The following C2CD3 variants were observed in gnomAD, a reference collection of about 807,000 sequenced individuals.
C2CD3 encodes C2 domain-containing protein 3.
C2CD3 carries 148 observed loss-of-function variants against 234.0 expected under a neutral mutation model. The ratio of observed to expected loss-of-function variants is 0.63; its 90% CI spans 0.55 to 0.72. C2CD3 has a LOEUF of 0.72. C2CD3 is among the 30% of genes least tolerant of loss of function. The pLI, the probability that C2CD3 is intolerant of heterozygous loss-of-function variation, is 0.00. For synonymous variants in C2CD3, 1,000 were observed against 1,035.4 expected, an observed-to-expected ratio of 0.97 and a Z score of 0.66; for missense variants, 2,577 against 2,811.5, an observed-to-expected ratio of 0.92 and a Z score of 1.89.
chr11:74,023,220 C>T (rs1165180404), intron 32 of C2CD3, among the ~76,000 whole-genome samples: 2 of 152,220 alleles, frequency 1.3e-5, no homozygotes, highest in African/African-American at 4.8e-5. Context: ...GCAATCAATC[C>T]AGCAATTACG....
At chr11:74,019,189 A>T (rs1951989646) in intron 32 of C2CD3, among the ~76,000 whole-genome samples, 1 of 152,200 alleles carries the variant, frequency 6.6e-6, no homozygotes, top group South Asian at 2.1e-4. Flanking sequence ...CTCTTACAAG[A>T]AGAGCTCCTG....
Position 74,095,256 on chromosome 11 carries a change from CA to C in C2CD3, c.3131del (p.Val1044GlyfsTer2). ...YFPVQHSQSS[V>X]LKGPEFLENG... ...TTTCAAGGAACTCAGGTCCTTTCAG[CA>C]CACTGGATTGAGAGTGTTGAACTGG... On this transcript the variant is annotated frameshift_variant, in exon 17 of 33. Coordinates refer to ENST00000334126, the MANE Select transcript of C2CD3 (RefSeq NM_001286577.2). LOFTEE classifies it high-confidence loss of function. 1 of 1,613,082 alleles carries C rather than the reference CA, an allele frequency of 6.2e-7. No individual in the cohort carries two copies. The highest frequency in any genetic ancestry group is 8.5e-7 in the Non-Finnish European group (1 of 1,179,438).
chr11:74,031,151 G>C (rs970774970), intron 31 of C2CD3, among the ~76,000 whole-genome samples: 1 of 152,164 alleles, frequency 6.6e-6, no homozygotes, highest in East Asian at 1.9e-4. Context: ...CACTATTCAT[G>C]TACCAGGTAT....
Position 74,133,416 on chromosome 11 carries a change from G to C in C2CD3, c.1088+9C>G. The C allele has an allele frequency of 1.2e-6, 2 of 1,612,402 alleles. No individual in the cohort carries two copies. The highest frequency in any genetic ancestry group is 1.7e-6 in the Non-Finnish European group (2 of 1,178,586). Reference sequence around the variant, plus strand: ...GAACTGTTAAGGTTCTGTCTATCCTGTAACTTACTGTGTTGATGCTCTAAG... The same window carrying C: ...GAACTGTTAAGGTTCTGTCTATCCTCTAACTTACTGTGTTGATGCTCTAAG... On this transcript the variant is annotated intron_variant, in intron 6 of 32. Transcript: ENST00000334126.
At chr11:74,064,624 C>T (rs879593072) in intron 24 of C2CD3, among the ~76,000 whole-genome samples, 18 of 152,216 alleles carry the variant, frequency 1.2e-4, no homozygotes, top group African/African-American at 2.6e-4. Flanking sequence ...GACAATCCTA[C>T]GCCAAAAGAA....
At chr11:74,102,317 C>T (rs1956345484) in intron 14 of C2CD3, among the ~76,000 whole-genome samples, 4 of 152,166 alleles carry the variant, frequency 2.6e-5, no homozygotes, top group Admixed American at 2.6e-4. Context: ...TTATTGAATA[C>T]CCAGTATGTG....
intron 4 of C2CD3, 54 bp from the exon 5 acceptor site, chr11:74,139,021 T>C: frequency 6.8e-7 from 1 of 1,464,202 alleles, no homozygotes; most frequent in Non-Finnish European, 9.3e-7. Flanking sequence ...TATGGTAACA[T>C]TCTATTTTGT....
chr11:74,037,016 A>G (rs1952781081), intron 30 of C2CD3, among the ~76,000 whole-genome samples: 1 of 152,236 alleles, frequency 6.6e-6, no homozygotes, highest in African/African-American at 2.4e-5. Flanking sequence ...GCTAACATCC[A>G]GAATCATCTA....
In C2CD3 at chr11:74,113,863, A is replaced by G. The variant is rs1956838280; in HGVS notation, c.1760T>C (p.Val587Ala). The change falls in exon 11 of 33, where the codon GTG (valine) becomes GCG (alanine). Residue 587 changes from valine to alanine, a missense_variant. Physicochemically the swap from Val to Ala is moderately conservative, Grantham distance 64 (BLOSUM62 0). Coordinates refer to ENST00000334126, the MANE Select transcript of C2CD3 (RefSeq NM_001286577.2). ...RTFFVEYHFP[V>A]GFSESGLGKT... ...TCCCAATCCGCTTTCCGAAAAGCCC[A>G]CAGGAAAGTGATATTCTACAAAGAA... 1 of 1,603,472 alleles carries G rather than the reference A, an allele frequency of 6.2e-7. No individual in the cohort carries two copies. Among genetic ancestry groups the G allele is most frequent in the Non-Finnish European group, 8.5e-7 (1 of 1,176,720 alleles).
At chr11:74,087,682 C>T (rs1955702217) in intron 20 of C2CD3, among the ~76,000 whole-genome samples, 1 of 152,106 alleles carries the variant, frequency 6.6e-6, no homozygotes, top group African/African-American at 2.4e-5. Context: ...AGGGAACTTT[C>T]AGAGATGGCA....
At chr11:74,091,445 A>G in intron 19 of C2CD3, 1 of 152,738 alleles carries the variant, frequency 6.5e-6, no homozygotes, top group Non-Finnish European at 1.5e-5. Context: ...GGGTCAGGAG[A>G]AACAACTCAA....
intron 6 of C2CD3, 70 bp from the exon 7 acceptor site, chr11:74,133,042 C>A: frequency 6.9e-7 from 1 of 1,443,142 alleles, no homozygotes; most frequent in South Asian, 1.2e-5. Flanking sequence ...ATAATCACTT[C>A]GTACATGCAG....
intron 24 of C2CD3, among the ~76,000 whole-genome samples, chr11:74,066,452 G>GA (rs55672870): frequency 8.8e-5 from 13 of 148,480 alleles, no homozygotes; most frequent in African/African-American, 3.0e-4. Flanking sequence ...AAGAAAGAAA[G>GA]AAAAAAAAAC....
intron 7 of C2CD3, among the ~76,000 whole-genome samples, chr11:74,124,245 C>T (rs968353995): frequency 6.6e-6 from 1 of 152,036 alleles, no homozygotes; most frequent in African/African-American, 2.4e-5. Flanking sequence ...ATGTTGCTTC[C>T]TTTCAAGCTA....
In C2CD3 at chr11:74,118,392, G is replaced by A. The variant is rs767260981; in HGVS notation, c.1366-10C>T. 1 of 1,608,036 alleles carries A rather than the reference G, an allele frequency of 6.2e-7. No individual in the cohort carries two copies. Among genetic ancestry groups the A allele is most frequent in the Non-Finnish European group, 8.5e-7 (1 of 1,175,150 alleles). On this transcript the variant is annotated splice_polypyrimidine_tract_variant and intron_variant, in intron 8 of 32. Coordinates refer to ENST00000334126, the MANE Select transcript of C2CD3 (RefSeq NM_001286577.2). ...TGCTGGTATCAGATTTCTATGGAGA[G>A]GAAGAAACAGAGACACTAAATGACT...
At chr11:74,154,590 G>A (rs532944297) in intron 3 of C2CD3, among the ~76,000 whole-genome samples, 2 of 152,120 alleles carry the variant, frequency 1.3e-5, no homozygotes, top group African/African-American at 4.8e-5. Flanking sequence ...AGAAAGTATC[G>A]GGGGTTGATA....
At chr11:74,052,260 AC>A (rs1434359682) in intron 26 of C2CD3, among the ~76,000 whole-genome samples, 1 of 151,732 alleles carries the variant, frequency 6.6e-6, no homozygotes, top group Non-Finnish European at 1.5e-5. Flanking sequence ...CTAGCATAGT[AC>A]CTGACACATA....
chr11:74,153,936 T>A (rs1855845609), intron 3 of C2CD3, among the ~76,000 whole-genome samples: 1 of 152,062 alleles, frequency 6.6e-6, no homozygotes, highest in Non-Finnish European at 1.5e-5. Flanking sequence ...ATCAATTGAT[T>A]ATATTCAAAC....
chr11:74,019,938 G>A (rs970313030), intron 32 of C2CD3, among the ~76,000 whole-genome samples: 13 of 152,220 alleles, frequency 8.5e-5, no homozygotes, highest in Non-Finnish European at 1.6e-4. Context: ...CCTTAGTGAT[G>A]TCTGAAGTGC....
Sources: allele counts gnomAD v4.1 joint callset (sites outside exome capture counted in the v4.1 genomes callset), GRCh38; gene constraint gnomAD v4.1.1; transcripts MANE v1.5; gene names NCBI Gene and HGNC (gene_info 2026-07-23, HGNC 2026-07-21).